The following CBLN2 variants were observed in gnomAD, a reference collection of about 807,000 sequenced individuals.
CBLN2 encodes the protein cerebellin-2.
A neutral mutation model predicts 15.0 loss-of-function variants in CBLN2; 7 were observed. The observed-to-expected ratio is 0.47, with a 90% confidence interval of 0.27 to 0.88. The LOEUF (loss-of-function observed/expected upper bound fraction) is 0.88, where lower values mean the gene tolerates loss of function less well. CBLN2 is among the 40% of genes least tolerant of loss of function. The pLI, the probability that CBLN2 is intolerant of heterozygous loss-of-function variation, is 0.14. For synonymous variants in CBLN2, 149 were observed against 135.2 expected, an observed-to-expected ratio of 1.10 and a Z score of -0.71; for missense variants, 242 against 304.5, an observed-to-expected ratio of 0.79 and a Z score of 1.53.
intron 1 of CBLN2, among the ~76,000 whole-genome samples, chr18:72,567,053 G>C (rs1032731061): frequency 6.6e-6 from 1 of 152,000 alleles, no homozygotes; most frequent in African/African-American, 2.4e-5. Context: ...GAACTCCTAG[G>C]CTCAAGCAAT....
At chr18:72,577,066 A>T (rs2567948) in intron 1 of CBLN2, among the ~76,000 whole-genome samples, 130 of 147,310 alleles carry the variant, frequency 8.8e-4, no homozygotes, top group South Asian at 5.9e-3. Flanking sequence ...GTGAATATTT[A>T]GAATTATAAA....
chr18:72,633,281 T>G (rs1025579402), intron 1 of CBLN2, among the ~76,000 whole-genome samples: 1 of 152,230 alleles, frequency 6.6e-6, no homozygotes, highest in African/African-American at 2.4e-5. Flanking sequence ...ATACCTTTAA[T>G]GTAGTTTTTA....
At chr18:72,571,807 C>T (rs528645582) in intron 1 of CBLN2, among the ~76,000 whole-genome samples, 2 of 152,302 alleles carry the variant, frequency 1.3e-5, no homozygotes, top group South Asian at 4.1e-4. Flanking sequence ...AAAGCTGTGT[C>T]AGACTTAAAT....
chr18:72,633,849 G>A (rs929708744), intron 1 of CBLN2, among the ~76,000 whole-genome samples: 3 of 151,986 alleles, frequency 2.0e-5, no homozygotes, highest in African/African-American at 4.8e-5. Flanking sequence ...AATAAATATT[G>A]TAAAAGCAAT....
chr18:72,602,845 C>T (rs940478496), intron 1 of CBLN2, among the ~76,000 whole-genome samples: 2 of 152,186 alleles, frequency 1.3e-5, no homozygotes, highest in Admixed American at 6.5e-5. Context: ...TAGCCAGCTT[C>T]CTAATCAAGG....
In CBLN2 at chr18:72,552,098, C is replaced by CT. The variant is rs531266914; in HGVS notation, c.16-13327dup. ...TTAAAATGTCCAACAGAGCAAGATA[C>CT]TTTTTTTTTTTTTTTGAGACAGACT... On this transcript the variant is annotated intron_variant, in intron 1 of 2. Coordinates refer to the CBLN2 transcript ENST00000581073. 7.4e-3 allele frequency among the ~76,000 whole-genome samples: 1,053 copies of CT among 141,974 alleles called. 7 individuals are homozygous for CT. The highest frequency in any genetic ancestry group is 0.014 in the Admixed American group (204 of 14,084). 93.1% of individuals were successfully genotyped at this position (141,974 alleles called of 152,430 possible). A position where few individuals can be genotyped will look rare whatever the true frequency, so the allele number is the denominator to read the frequency against.
At chr18:72,560,971 C>T (rs1237054) in intron 1 of CBLN2, among the ~76,000 whole-genome samples, 108,143 of 151,822 alleles carry the variant, frequency 0.71, 43,324 homozygotes, top group Non-Finnish European at 0.9. Context: ...ATCTCGCCAC[C>T]GTACTCCCGC....
chr18:72,634,411 A>G (rs564310551), intron 1 of CBLN2, among the ~76,000 whole-genome samples: 1 of 152,252 alleles, frequency 6.6e-6, no homozygotes, highest in Non-Finnish European at 1.5e-5. Flanking sequence ...TCCTTATAAA[A>G]TAATCTATGT....
rs72634448 is a variant in CBLN2 at position 72,573,696 on chromosome 18, G to T, written c.16-34924C>A. 0.049 allele frequency among the ~76,000 whole-genome samples: 7,507 copies of T among 152,072 alleles called. 832 individuals carry two copies. The East Asian group carries it at 0.51, about 10-fold the overall frequency. ...ATAGTTTATTTATCCATTTAACTAC[G>T]GAAATATCTTGGTTACCTTCAAGTT... On this transcript the variant is annotated intron_variant, in intron 1 of 2. Transcript: ENST00000581073.
At chr18:72,615,426 G>A (rs953618267) in intron 1 of CBLN2, among the ~76,000 whole-genome samples, 19 of 150,846 alleles carry the variant, frequency 1.3e-4, no homozygotes, top group Admixed American at 2.0e-4. Flanking sequence ...ACAGCCATGC[G>A]CCACCATGCC....
chr18:72,632,140 TA>T (rs1488132505), intron 1 of CBLN2, among the ~76,000 whole-genome samples: 3 of 152,144 alleles, frequency 2.0e-5, no homozygotes, highest in Non-Finnish European at 2.9e-5. Context: ...ATAATTTACT[TA>T]CTCTTTGTTA....
At chr18:72,601,192 T>A (rs138123915) in intron 1 of CBLN2, among the ~76,000 whole-genome samples, 1 of 152,138 alleles carries the variant, frequency 6.6e-6, no homozygotes, top group Non-Finnish European at 1.5e-5. Context: ...TGCTTTAAGG[T>A]TGAAGTACAA....
At chr18:72,613,483 T>C (rs961358666) in intron 1 of CBLN2, among the ~76,000 whole-genome samples, 4 of 124,714 alleles carry the variant, frequency 3.2e-5, no homozygotes, top group African/African-American at 4.9e-5. Flanking sequence ...CTTTTTTTCT[T>C]ACACACTTTA....
At chr18:72,538,968 A>C in intron 3 of CBLN2, 196 bp from the exon 4 acceptor site, 29 of 547,286 alleles carry the variant, frequency 5.3e-5, no homozygotes, top group East Asian at 1.5e-4. Flanking sequence ...AAGTAATCTC[A>C]AAGGTATTTT....
intron 1 of CBLN2, among the ~76,000 whole-genome samples, chr18:72,565,187 T>A (rs537759934): frequency 6.6e-6 from 1 of 152,140 alleles, no homozygotes; most frequent in Non-Finnish European, 1.5e-5. Flanking sequence ...CCTGAAAACA[T>A]ATGAAAGTAT....
At chr18:72,635,742 G>A (rs1003642926) in intron 1 of CBLN2, among the ~76,000 whole-genome samples, 1 of 152,032 alleles carries the variant, frequency 6.6e-6, no homozygotes, top group African/African-American at 2.4e-5. Flanking sequence ...AGGTTTGATG[G>A]AAATACCTTA....
At chr18:72,626,595 G>T (rs1309606692) in intron 1 of CBLN2, among the ~76,000 whole-genome samples, 2 of 152,094 alleles carry the variant, frequency 1.3e-5, no homozygotes, top group Non-Finnish European at 2.9e-5. Context: ...AGCTACTCGG[G>T]AGGCTGAGGT....
intron 1 of CBLN2, among the ~76,000 whole-genome samples, chr18:72,594,672 T>C (rs2069501605): frequency 6.6e-6 from 1 of 152,114 alleles, no homozygotes; most frequent in Non-Finnish European, 1.5e-5. Flanking sequence ...TGGTTTTCTT[T>C]GTTGGGATTC....
chr18:72,574,999 T>C (rs563852320), intron 1 of CBLN2, among the ~76,000 whole-genome samples: 1 of 151,654 alleles, frequency 6.6e-6, no homozygotes, highest in South Asian at 2.1e-4. Context: ...GGCAAGGGAG[T>C]TGAGAGTGTT....
Sources: gnomAD v4.1 joint callset for allele counts (sites outside exome capture counted in the v4.1 genomes callset) on GRCh38, gnomAD v4.1.1 for gene constraint, MANE v1.5 for transcripts, NCBI Gene and HGNC (gene_info 2026-07-23, HGNC 2026-07-21) for gene names.